Variants in ZNF354B observed in about 807,000 individuals in gnomAD.
ZNF354B encodes zinc finger protein 354B.
Under a neutral mutation model 12.9 loss-of-function variants are expected in ZNF354B, and 10 were observed. The ratio of observed to expected loss-of-function variants is 0.77; its 90% CI spans 0.48 to 1.31. The LOEUF is 1.31. Among genes scored for constraint, ZNF354B ranks in the 40% most tolerant of loss-of-function variants. The pLI, the probability that ZNF354B is intolerant of heterozygous loss-of-function variation, is 0.00. For synonymous variants in ZNF354B, 260 were observed against 243.7 expected (o/e 1.07, Z -0.62); for missense variants, 614 against 711.7 (o/e 0.86, Z 1.56).
chr5:178,866,190 C>A, intron 2 of ZNF354B, 54 bp from the exon 3 acceptor site: 2 of 1,602,434 alleles, frequency 1.2e-6, no homozygotes, highest in African/African-American at 2.7e-5. Flanking sequence ...CACTGCCGCC[C>A]CCTCCACTCT....
intron 2 of ZNF354B, among the ~76,000 whole-genome samples, chr5:178,861,801 T>C (rs1040917323): frequency 2.0e-5 from 3 of 152,212 alleles, no homozygotes; most frequent in Non-Finnish European, 4.4e-5. Context: ...TGTTGCTGTT[T>C]GTGGGCCTTG....
chr5:178,875,571 G>A (rs1757624182), intron 4 of ZNF354B, among the ~76,000 whole-genome samples: 1 of 152,138 alleles, frequency 6.6e-6, no homozygotes, highest in African/African-American at 2.4e-5. Flanking sequence ...CCACTGCAGT[G>A]GCAGTGACAG....
At chr5:178,862,969 T>C (rs573028309) in intron 2 of ZNF354B, among the ~76,000 whole-genome samples, 81 of 152,338 alleles carry the variant, frequency 5.3e-4, no homozygotes, top group Middle Eastern at 3.4e-3. Flanking sequence ...ACCGGAGTTA[T>C]GATCTTGCTG....
chr5:178,865,979 G>A (rs995276183), intron 2 of ZNF354B, among the ~76,000 whole-genome samples: 1 of 152,136 alleles, frequency 6.6e-6, no homozygotes, highest in Non-Finnish European at 1.5e-5. Flanking sequence ...AATTGCCAAC[G>A]AAAGATTATT....
At position 178,884,308 on chromosome 5, in the gene ZNF354B, CTCA is replaced by C. The variant is rs748716907; in HGVS notation, c.*21_*23del. 9.0e-6 allele frequency: 14 copies of C among 1,551,010 alleles called. No homozygotes were observed. The highest frequency in any genetic ancestry group is 1.0e-5 in the Non-Finnish European group (12 of 1,153,254). ...CATGTGTGAAAGCCTTAAACCAAAA[CTCA>C]TCAGAGAATACATGCTTGAGAGTGA... On this transcript the variant is annotated 3_prime_UTR_variant, in exon 5 of 5. Coordinates refer to ENST00000322434, the MANE Select transcript of ZNF354B (RefSeq NM_058230.3).
chr5:178,866,483 G>A (rs1757459446), intron 3 of ZNF354B, 113 bp downstream of exon 3: 7 of 1,438,934 alleles, frequency 4.9e-6, no homozygotes, highest in Non-Finnish European at 6.6e-6. Context: ...TTTGAGGATT[G>A]TACAAATCAG....
At chr5:178,863,469 G>A (rs529673237) in intron 2 of ZNF354B, among the ~76,000 whole-genome samples, 14 of 152,284 alleles carry the variant, frequency 9.2e-5, no homozygotes, top group Admixed American at 6.5e-4. Flanking sequence ...CTTTGCTCCT[G>A]TTTTGTGGTG....
chr5:178,872,373 G>A (rs1163850844), intron 4 of ZNF354B, among the ~76,000 whole-genome samples: 1 of 152,032 alleles, frequency 6.6e-6, no homozygotes, highest in East Asian at 1.9e-4. Flanking sequence ...ATCATAGTTT[G>A]TATAGCCATT....
At chr5:178,866,949 TTTG>T (rs761573503) in intron 3 of ZNF354B, 24 bp from the exon 4 acceptor site, 295 of 1,574,556 alleles carry the variant, frequency 1.9e-4, no homozygotes, top group Middle Eastern at 1.2e-3. Context: ...GACTGAGACT[TTTG>T]TTGTTGTTGT....
intron 1 of ZNF354B, 121 bp downstream of exon 1, chr5:178,860,248 C>T (rs1197484897): frequency 6.6e-6 from 1 of 152,108 alleles, no homozygotes; most frequent in African/African-American, 2.4e-5. Context: ...TGTCACCGGC[C>T]CCCGCGCCAG....
chr5:178,883,588 A>G lies in ZNF354B; in HGVS notation c.1136A>G (p.Glu379Gly). 1 of 1,613,856 alleles carries G rather than the reference A, an allele frequency of 6.2e-7. No homozygotes were observed. Among genetic ancestry groups the G allele is most frequent in the Admixed American group, 1.7e-5 (1 of 60,008 alleles). The change falls in exon 5 of 5, where the codon GAG (glutamate) becomes GGG (glycine). Residue 379 changes from glutamate to glycine, a missense_variant. Coordinates refer to ENST00000322434, the MANE Select transcript of ZNF354B (RefSeq NM_058230.3). The stretch of plus-strand genomic sequence containing the variant: ...TATCATCAGAGAATTCACACTGGAG[A>G]GAAGCCTTTTAAATGTAGTGAATGT... ...LRYHQRIHTG[E>G]KPFKCSECGR...
chr5:178,882,577 G>GT lies in ZNF354B; in HGVS notation c.257-126dup, dbSNP rs1757732093. The GT allele has an allele frequency of 5.8e-6, 5 of 867,878 alleles. No homozygotes were observed. In the Admixed American group the frequency reaches 1.0e-4, roughly 18 times the overall value. 53.8% of individuals were successfully genotyped at this position (867,878 alleles called of 1,614,324 possible). Reference sequence around the variant, plus strand: ...GCTGTCATCCATTATTTTATATAGTGTTTTTTAGAATTTTATCCTCTTTTA... The same window carrying GT: ...GCTGTCATCCATTATTTTATATAGTGTTTTTTTAGAATTTTATCCTCTTTTA... On this transcript the variant is annotated intron_variant, in intron 4 of 4. Transcript: ENST00000322434.
At chr5:178,863,591 A>G (rs1757395597) in intron 2 of ZNF354B, among the ~76,000 whole-genome samples, 1 of 152,328 alleles carries the variant, frequency 6.6e-6, no homozygotes, top group South Asian at 2.1e-4. Flanking sequence ...TTGCTGGGTT[A>G]TATATTTATT....
Position 178,867,066 on chromosome 5 carries a change from C to T in ZNF354B, c.251C>T (p.Ser84Phe), listed in dbSNP as rs767258830. The T allele has an allele frequency of 1.9e-6, 3 of 1,612,794 alleles. No homozygotes were observed. The highest frequency in any genetic ancestry group is 2.2e-5 in the South Asian group (2 of 91,020). ...EVEKDSSGVS[S>F]LGCKSTPKMT... ...GAGAAAGACAGTTCTGGTGTCTCCT[C>T]TCTAGGTAAGTGGGTGGCCCGAGGT... Residue 84 changes from serine to phenylalanine, a missense_variant, in exon 4 of 5, where the codon TCT becomes TTT. Transcript: ENST00000322434.
intron 4 of ZNF354B, among the ~76,000 whole-genome samples, chr5:178,872,911 C>T (rs906949746): frequency 6.6e-6 from 1 of 151,990 alleles, no homozygotes; most frequent in African/African-American, 2.4e-5. Flanking sequence ...CTCAGCCTCC[C>T]GAGTAGCTGG....
At position 178,884,020 on chromosome 5, in the gene ZNF354B, G is replaced by A. The variant is rs115229877; in HGVS notation, c.1568G>A (p.Arg523Gln). 2.9e-4 allele frequency: 462 copies of A among 1,614,038 alleles called. 2 individuals are homozygous for A. In the African/African-American group the frequency reaches 5.2e-3, roughly 18 times the overall value. The change falls in exon 5 of 5, where the codon CGA becomes CAA. Residue 523 changes from arginine (R) to glutamine (Q), a missense_variant. Coordinates refer to ENST00000322434, the MANE Select transcript of ZNF354B (RefSeq NM_058230.3). ...ATTCATACTGGAGAGAAACCATATC[G>A]ATGTTTAGAATGTGGGATGTCTTTT... ...QRIHTGEKPY[R>Q]CLECGMSFGQ...
At chr5:178,879,465 C>T (rs909355919) in intron 4 of ZNF354B, among the ~76,000 whole-genome samples, 8 of 151,192 alleles carry the variant, frequency 5.3e-5, no homozygotes, top group Admixed American at 2.0e-4. Flanking sequence ...CTGCAATCAA[C>T]GTTTCCTGGG....
chr5:178,875,690 G>T (rs867614219), intron 4 of ZNF354B, among the ~76,000 whole-genome samples: 16 of 152,152 alleles, frequency 1.1e-4, no homozygotes, highest in Admixed American at 1.3e-4. Flanking sequence ...CTGAGGTGGG[G>T]GATCTACTTG....
Position 178,884,041 on chromosome 5 carries a change from C to G in ZNF354B, c.1589C>G (p.Ser530Cys). Residue 530 changes from serine to cysteine, a missense_variant, in exon 5 of 5, where the codon TCT becomes TGT. Transcript: ENST00000322434. The part of the protein sequence containing the change: ...KPYRCLECGM[S>C]FGQSAALIQH... ...TATCGATGTTTAGAATGTGGGATGT[C>G]TTTTGGCCAAAGTGCAGCTCTTATA... 4 of 1,614,062 alleles carry G rather than the reference C, an allele frequency of 2.5e-6. No individual in the cohort carries two copies. The highest frequency in any genetic ancestry group is 2.5e-6 in the Non-Finnish European group (3 of 1,179,976).
Sources: gnomAD v4.1 joint callset for allele counts (sites outside exome capture counted in the v4.1 genomes callset) on GRCh38, gnomAD v4.1.1 for gene constraint, MANE v1.5 for transcripts, NCBI Gene and HGNC (gene_info 2026-07-23, HGNC 2026-07-21) for gene names.